NCAM2: variants seen among roughly 807,000 people sequenced by gnomAD.
NCAM2 encodes N-CAM-2.
In NCAM2, 30 loss-of-function variants were observed where a neutral mutation model predicts 98.1. That is an observed-to-expected ratio of 0.31 (90% CI 0.23 to 0.41). NCAM2 has a LOEUF of 0.41. NCAM2 is among the 10% of genes least tolerant of loss of function. The pLI, the probability that NCAM2 is intolerant of heterozygous loss-of-function variation, is 1.00. For synonymous variants in NCAM2, 368 were observed against 342.4 expected, an observed-to-expected ratio of 1.07 and a Z score of -0.83; for missense variants, 867 against 1,005.8, an observed-to-expected ratio of 0.86 and a Z score of 1.87.
At chr21:21,287,703 A>G (rs935450927) in intron 4 of NCAM2, among the ~76,000 whole-genome samples, 5 of 151,964 alleles carry the variant, frequency 3.3e-5, no homozygotes, top group African/African-American at 1.2e-4. Flanking sequence ...CCTCAAAGCA[A>G]AGACTGATGA....
At chr21:21,370,353 C>A (rs987354164) in intron 8 of NCAM2, among the ~76,000 whole-genome samples, 6 of 151,704 alleles carry the variant, frequency 4.0e-5, no homozygotes, top group African/African-American at 1.5e-4. Context: ...ATTAAAGCAT[C>A]AAAAATAAAT....
At chr21:21,082,605 T>A (rs1487510748) in intron 1 of NCAM2, among the ~76,000 whole-genome samples, 1 of 152,218 alleles carries the variant, frequency 6.6e-6, no homozygotes, top group Non-Finnish European at 1.5e-5. Flanking sequence ...TATCATTACT[T>A]CCAATACCTA....
intron 1 of NCAM2, among the ~76,000 whole-genome samples, chr21:21,193,784 G>A (rs901799027): frequency 2.0e-5 from 3 of 151,976 alleles, no homozygotes; most frequent in Non-Finnish European, 2.9e-5. Flanking sequence ...ATGAGCCACC[G>A]CACCTGGCCT....
chr21:21,460,520 CAA>C (rs1982814581), intron 12 of NCAM2, among the ~76,000 whole-genome samples: 1 of 151,912 alleles, frequency 6.6e-6, no homozygotes. Context: ...TGTTCAGCAA[CAA>C]GAGCAGAGTG....
At chr21:21,418,918 C>A (rs1369424532) in intron 11 of NCAM2, among the ~76,000 whole-genome samples, 3 of 152,114 alleles carry the variant, frequency 2.0e-5, no homozygotes, top group African/African-American at 7.2e-5. Context: ...TATGAAAGAA[C>A]AGACATGCCA....
At chr21:21,367,238 A>AT (rs1033681409) in intron 8 of NCAM2, among the ~76,000 whole-genome samples, 6 of 151,706 alleles carry the variant, frequency 4.0e-5, no homozygotes, top group Admixed American at 6.6e-5. Flanking sequence ...TCTATTGGTG[A>AT]TTTTTTTTAT....
At chr21:21,299,225 A>G (rs920884091) in intron 5 of NCAM2, among the ~76,000 whole-genome samples, 3 of 151,518 alleles carry the variant, frequency 2.0e-5, no homozygotes, top group African/African-American at 7.3e-5. Flanking sequence ...GCACTAGAGG[A>G]TAACCTATGA....
At chr21:21,053,125 A>C (rs1414432507) in intron 1 of NCAM2, among the ~76,000 whole-genome samples, 1 of 150,874 alleles carries the variant, frequency 6.6e-6, no homozygotes, top group Non-Finnish European at 1.5e-5. Flanking sequence ...AGTTATTATA[A>C]TTCTATGGAA....
intron 5 of NCAM2, among the ~76,000 whole-genome samples, chr21:21,295,500 C>T (rs2073444595): frequency 6.6e-6 from 1 of 151,810 alleles, no homozygotes; most frequent in East Asian, 1.9e-4. Flanking sequence ...CATCTTCACC[C>T]AGTCGATCAT....
At chr21:21,299,646 A>T (rs1455984064) in intron 5 of NCAM2, among the ~76,000 whole-genome samples, 2 of 151,384 alleles carry the variant, frequency 1.3e-5, no homozygotes, top group Non-Finnish European at 2.9e-5. Flanking sequence ...TGTCTTATAA[A>T]ACTTAGTCCA....
intron 9 of NCAM2, among the ~76,000 whole-genome samples, chr21:21,407,713 A>G (rs1569028837): frequency 6.6e-6 from 1 of 152,204 alleles, no homozygotes. Flanking sequence ...ATAAATTTAA[A>G]GATATAGATA....
intron 5 of NCAM2, among the ~76,000 whole-genome samples, chr21:21,297,542 C>A (rs138663718): frequency 2.0e-5 from 3 of 151,622 alleles, no homozygotes; most frequent in Admixed American, 6.6e-5. Flanking sequence ...AATTGATTGG[C>A]TACCTTTTCC....
chr21:21,145,473 G>A (rs535192026), intron 1 of NCAM2, among the ~76,000 whole-genome samples: 1 of 152,182 alleles, frequency 6.6e-6, no homozygotes, highest in South Asian at 2.1e-4. Context: ...GTCCATCAAA[G>A]TATGCAATAT....
At chr21:21,043,678 G>A (rs1467947573) in intron 1 of NCAM2, among the ~76,000 whole-genome samples, 10 of 151,258 alleles carry the variant, frequency 6.6e-5, no homozygotes, top group South Asian at 2.1e-4. Context: ...CAGTGAAACC[G>A]CGAATCTACT....
At chr21:21,167,449 G>T (rs1475132932) in intron 1 of NCAM2, among the ~76,000 whole-genome samples, 1 of 151,772 alleles carries the variant, frequency 6.6e-6, no homozygotes, top group Non-Finnish European at 1.5e-5. Context: ...GAAAAAAAGA[G>T]CACAGTTACC....
At chr21:21,469,407 G>T (rs1224388904) in intron 14 of NCAM2, among the ~76,000 whole-genome samples, 1 of 151,884 alleles carries the variant, frequency 6.6e-6, no homozygotes, top group African/African-American at 2.4e-5. Context: ...CAGAAAAGAT[G>T]ATTTCAAAAG....
Position 21,262,241 on chromosome 21 carries a change from C to T in NCAM2, c.56-18337C>T, listed in dbSNP as rs972917147. ...TAATCCACCAACCACAGGAAGCCCA[C>T]GACCAGACAGATTCACAGCCACATT... On this transcript the variant is annotated intron_variant, in intron 1 of 17. Coordinates refer to ENST00000400546, the MANE Select transcript of NCAM2 (RefSeq NM_004540.5). Among the ~76,000 whole-genome samples, 9 of 152,040 alleles carry T rather than the reference C, an allele frequency of 5.9e-5. No individual in the cohort carries two copies. In the East Asian group the frequency reaches 7.7e-4, roughly 13 times the overall value.
chr21:21,344,783 A>G (rs2075142923), intron 8 of NCAM2, among the ~76,000 whole-genome samples: 1 of 152,138 alleles, frequency 6.6e-6, no homozygotes, highest in African/African-American at 2.4e-5. Context: ...TTGAGCGAGC[A>G]TAGGCAGTAG....
At chr21:21,328,554 C>T (rs1436858954) in intron 6 of NCAM2, among the ~76,000 whole-genome samples, 2 of 149,442 alleles carry the variant, frequency 1.3e-5, no homozygotes, top group African/African-American at 2.5e-5. Flanking sequence ...CTGAGTCGGC[C>T]GAGGCTAATG....
Sources: gnomAD v4.1 joint callset for allele counts (sites outside exome capture counted in the v4.1 genomes callset) on GRCh38, gnomAD v4.1.1 for gene constraint, MANE v1.5 for transcripts, NCBI Gene and HGNC (gene_info 2026-07-23, HGNC 2026-07-21) for gene names.